The following PCDH9 variants were observed in gnomAD, a reference collection of about 807,000 sequenced individuals.
The protein encoded by PCDH9 is protocadherin-9.
PCDH9 carries 24 observed loss-of-function variants against 70.6 expected under a neutral mutation model. The observed-to-expected ratio is 0.34, with a 90% CI of 0.25 to 0.48. The LOEUF is 0.48. PCDH9 is among the 20% of genes least tolerant of loss of function. The pLI is 0.99. For synonymous variants in PCDH9, 562 were observed against 558.5 expected (o/e 1.01, Z -0.09); for missense variants, 1,281 against 1,503.6 (o/e 0.85, Z 2.45).
intron 4 of PCDH9, among the ~76,000 whole-genome samples, chr13:66,326,170 T>C (rs1389071618): frequency 6.6e-6 from 1 of 152,142 alleles, no homozygotes. Context: ...CTTGATTACG[T>C]CTTTATATGG....
chr13:66,483,110 A>T (rs1034148297), intron 4 of PCDH9, among the ~76,000 whole-genome samples: 1 of 152,224 alleles, frequency 6.6e-6, no homozygotes, highest in Non-Finnish European at 1.5e-5. Context: ...TGTTCTAAAA[A>T]GTCTACAATC....
At chr13:66,424,421 T>C (rs1957628740) in intron 4 of PCDH9, among the ~76,000 whole-genome samples, 1 of 151,972 alleles carries the variant, frequency 6.6e-6, no homozygotes, top group South Asian at 2.1e-4. Flanking sequence ...CCTAGAGTTA[T>C]TTAAACATGG....
intron 2 of PCDH9, among the ~76,000 whole-genome samples, chr13:67,148,745 CTGATTGAGGTT>C (rs2087585291): frequency 6.6e-6 from 1 of 152,058 alleles, no homozygotes; most frequent in African/African-American, 2.4e-5. Context: ...TGAGAAAAAG[CTGATTGAGGTT>C]TGAATGTTTC....
intron 4 of PCDH9, among the ~76,000 whole-genome samples, chr13:66,572,839 A>T (rs1410784251): frequency 1.3e-5 from 2 of 152,052 alleles, no homozygotes; most frequent in Middle Eastern, 3.2e-3. Flanking sequence ...AGCTTACTGC[A>T]GCCTCACCCT....
At chr13:66,849,041 C>A (rs2081264517) in intron 3 of PCDH9, among the ~76,000 whole-genome samples, 1 of 150,572 alleles carries the variant, frequency 6.6e-6, no homozygotes. Context: ...TTTAAGTTAA[C>A]AGTTCTAATA....
chr13:66,425,134 A>G (rs935252359), intron 4 of PCDH9, among the ~76,000 whole-genome samples: 1 of 151,862 alleles, frequency 6.6e-6, no homozygotes, highest in Admixed American at 6.6e-5. Flanking sequence ...TGTTGCACAC[A>G]AAAGAATGAA....
At chr13:66,867,233 A>C (rs1258347322) in intron 3 of PCDH9, among the ~76,000 whole-genome samples, 1 of 152,116 alleles carries the variant, frequency 6.6e-6, no homozygotes, top group Non-Finnish European at 1.5e-5. Flanking sequence ...TTAAAATCCC[A>C]TTATACTATT....
intron 2 of PCDH9, among the ~76,000 whole-genome samples, chr13:66,910,125 C>T (rs1000906935): frequency 1.3e-5 from 2 of 152,180 alleles, no homozygotes; most frequent in African/African-American, 4.8e-5. Flanking sequence ...AAAGTCCTCT[C>T]TTCTCCCTCA....
At chr13:66,665,388 G>A (rs147833578) in intron 3 of PCDH9, among the ~76,000 whole-genome samples, 77 of 152,132 alleles carry the variant, frequency 5.1e-4, no homozygotes, top group Non-Finnish European at 7.5e-4. Context: ...GTGAGCCACC[G>A]CGCCTGACCA....
intron 3 of PCDH9, among the ~76,000 whole-genome samples, chr13:66,646,070 T>C (rs1218339892): frequency 2.0e-5 from 3 of 152,230 alleles, no homozygotes; most frequent in African/African-American, 4.8e-5. Context: ...TTTGAATTCC[T>C]GTGTGGAACA....
chr13:66,558,602 C>T (rs190248901), intron 4 of PCDH9, among the ~76,000 whole-genome samples: 1 of 152,092 alleles, frequency 6.6e-6, no homozygotes, highest in East Asian at 1.9e-4. Context: ...CCTTTCCTTC[C>T]TCTCTGAAAC....
intron 3 of PCDH9, among the ~76,000 whole-genome samples, chr13:66,708,055 T>TTTTATTTTA (rs1436889284): frequency 1.3e-5 from 2 of 148,872 alleles, no homozygotes; most frequent in African/African-American, 2.5e-5. Flanking sequence ...ATTTTATTTT[T>TTTTATTTTA]TTTTTATTTT....
In PCDH9 at chr13:67,225,926, G is replaced by A. The variant is rs949260894; in HGVS notation, c.2515C>T (p.Arg839Cys). The part of the protein sequence containing the change: ...VIFVTVLVRC[R>C]HASRFKAAQR... ...GCTGCTTTGAACCTTGATGCATGGCGACAGCGCACCAGAACGGTGACGAAG... is the reference window on the plus strand; with the variant it reads ...GCTGCTTTGAACCTTGATGCATGGCAACAGCGCACCAGAACGGTGACGAAG... The change falls in exon 2 of 5, where the codon CGC becomes TGC. Residue 839 changes from arginine to cysteine, a missense_variant. By Grantham distance (180) the Arg-to-Cys change is radical. This residue lies in a region of PCDH9 where 207 missense variants were observed against 191.8 expected (regional missense o/e 1.08). Coordinates refer to ENST00000377865, the MANE Select transcript of PCDH9 (RefSeq NM_203487.3). The A allele has an allele frequency of 5.0e-6, 8 of 1,613,932 alleles. 1 individual carries two copies. The Admixed American group carries it at 1.3e-4, about 27-fold the overall frequency.
chr13:66,575,348 A>G (rs1278038234), intron 4 of PCDH9, among the ~76,000 whole-genome samples: 1 of 152,134 alleles, frequency 6.6e-6, no homozygotes, highest in African/African-American at 2.4e-5. Context: ...AAATAGCACC[A>G]TAATCCACCC....
At chr13:66,362,988 CT>C (rs1389356669) in intron 4 of PCDH9, among the ~76,000 whole-genome samples, 2 of 152,088 alleles carry the variant, frequency 1.3e-5, no homozygotes, top group Non-Finnish European at 1.5e-5. Flanking sequence ...CGAAACCAGC[CT>C]GGCCAACATG....
intron 2 of PCDH9, among the ~76,000 whole-genome samples, chr13:67,118,633 T>C (rs2086821945): frequency 6.6e-6 from 1 of 152,138 alleles, no homozygotes; most frequent in African/African-American, 2.4e-5. Context: ...AGGTAAAACA[T>C]ACACATACAC....
intron 3 of PCDH9, among the ~76,000 whole-genome samples, chr13:66,870,408 G>C (rs1445973222): frequency 6.6e-6 from 1 of 152,048 alleles, no homozygotes; most frequent in Non-Finnish European, 1.5e-5. Context: ...AAACTAAAGA[G>C]CTTCTTCACA....
chr13:66,720,537 C>T (rs1002633806), intron 3 of PCDH9, among the ~76,000 whole-genome samples: 1 of 151,968 alleles, frequency 6.6e-6, no homozygotes, highest in African/African-American at 2.4e-5. Flanking sequence ...TTTTGATATA[C>T]AGTACCAGTA....
At position 66,325,360 on chromosome 13, in the gene PCDH9, A is replaced by G. The variant is rs369240613; in HGVS notation, c.3341-20332T>C. On this transcript the variant is annotated intron_variant, in intron 4 of 4. Coordinates refer to ENST00000377865, the MANE Select transcript of PCDH9 (RefSeq NM_203487.3). ...GATTGCTTCCCAGCTCCATGAATTA[A>G]GGTTAAAAGGCATTCATGATGTCTC... Among the ~76,000 whole-genome samples the G allele has an allele frequency of 3.5e-4, 54 of 152,160 alleles. 1 individual carries two copies. The South Asian group carries it at 0.011, about 30-fold the overall frequency.
Sources: gnomAD v4.1 joint callset for allele counts (sites outside exome capture counted in the v4.1 genomes callset) on GRCh38, gnomAD v4.1.1 for gene constraint, gnomAD v4.1.1 regional missense constraint, MANE v1.5 for transcripts, NCBI Gene and HGNC (gene_info 2026-07-23, HGNC 2026-07-21) for gene names.